The following RETREG1 variants were observed in gnomAD, a reference collection of about 807,000 sequenced individuals.
RETREG1 encodes the protein family with sequence similarity 134 member B.
RETREG1 carries 44 observed loss-of-function variants against 54.8 expected under a neutral mutation model. That is an observed-to-expected ratio of 0.80 (90% confidence interval 0.63 to 1.03). RETREG1 has a LOEUF of 1.03. Ranked by LOEUF, RETREG1 falls within the 50% of genes least tolerant of loss-of-function variation. The pLI is 0.00. For missense variants in RETREG1, 554 were observed against 605.1 expected (o/e 0.92, Z 0.89); for synonymous variants, 217 against 238.5 (o/e 0.91, Z 0.83).
intron 2 of RETREG1, among the ~76,000 whole-genome samples, chr5:16,570,188 C>T (rs1366149656): frequency 1.3e-5 from 2 of 152,228 alleles, no homozygotes; most frequent in Non-Finnish European, 2.9e-5. Flanking sequence ...AATGAACTAG[C>T]TCAAAAATGA....
intron 3 of RETREG1, among the ~76,000 whole-genome samples, chr5:16,512,344 A>T (rs1740204174): frequency 6.6e-6 from 1 of 152,152 alleles, no homozygotes; most frequent in South Asian, 2.1e-4. Context: ...ACTCCAGCAG[A>T]GCCTACACAT....
chr5:16,572,177 C>T lies in RETREG1; in HGVS notation c.321-75G>A, dbSNP rs181673284. 2.1e-5 allele frequency: 21 copies of T among 998,734 alleles called. No homozygotes were observed. In the East Asian group the frequency reaches 4.1e-4, roughly 20 times the overall value. 61.9% of individuals were successfully genotyped at this position (998,734 alleles called of 1,614,324 possible). A position where few individuals can be genotyped will look rare whatever the true frequency, so the allele number is the denominator to read the frequency against. On this transcript the variant is annotated intron_variant, in intron 1 of 8. Coordinates refer to ENST00000306320, the MANE Select transcript of RETREG1 (RefSeq NM_001034850.3). ...TTTTCAAAATTGGGTTTACTTCCTGCCACAGAAACAAAAAAGGTATTCAAT... is the reference window on the plus strand; with the variant it reads ...TTTTCAAAATTGGGTTTACTTCCTGTCACAGAAACAAAAAAGGTATTCAAT...
At chr5:16,492,402 TG>T (rs1352348701) in intron 3 of RETREG1, among the ~76,000 whole-genome samples, 1 of 151,514 alleles carries the variant, frequency 6.6e-6, no homozygotes, top group African/African-American at 2.4e-5. Flanking sequence ...TTATAAGAAA[TG>T]GAAGTTGAAG....
At position 16,597,064 on chromosome 5, in the gene RETREG1, C is replaced by T. The variant is rs1267954921; in HGVS notation, c.320+19588G>A. The stretch of plus-strand genomic sequence containing the variant: ...AGAAAAATGCATCTACACCAAAGGA[C>T]GTGGAAAGAATCCTGAAGAAGTAGG... On this transcript the variant is annotated intron_variant, in intron 1 of 8. Coordinates refer to ENST00000306320, the MANE Select transcript of RETREG1 (RefSeq NM_001034850.3). The surrounding 1 kb of genome is among the most constrained non-coding windows in gnomAD (Gnocchi z 4.3). Among the ~76,000 whole-genome samples the T allele has an allele frequency of 6.6e-6, 1 of 152,170 alleles. No individual in the cohort carries two copies. Among genetic ancestry groups the T allele is most frequent in the African/African-American group, 2.4e-5 (1 of 41,438 alleles).
chr5:16,586,689 C>T (rs1742634707), intron 1 of RETREG1, among the ~76,000 whole-genome samples: 1 of 152,170 alleles, frequency 6.6e-6, no homozygotes, highest in Admixed American at 6.5e-5. Flanking sequence ...TGTAACAGAT[C>T]CAAATATTAA....
intron 1 of RETREG1, among the ~76,000 whole-genome samples, chr5:16,583,572 T>G (rs913225732): frequency 1.1e-4 from 16 of 152,184 alleles, no homozygotes; most frequent in African/African-American, 3.6e-4. Context: ...CAAGGAAAAT[T>G]TTCCATTACT....
chr5:16,521,998 C>A (rs1295547900), intron 3 of RETREG1, among the ~76,000 whole-genome samples: 1 of 152,140 alleles, frequency 6.6e-6, no homozygotes, highest in Non-Finnish European at 1.5e-5. Flanking sequence ...GACGGCCTTG[C>A]GGTCTTGGCT....
chr5:16,477,256 GT>G (rs1284043515), intron 8 of RETREG1, among the ~76,000 whole-genome samples: 1 of 152,090 alleles, frequency 6.6e-6, no homozygotes, highest in African/African-American at 2.4e-5. Flanking sequence ...ACAATTCAGT[GT>G]TTTTTAGTAT....
intron 1 of RETREG1, among the ~76,000 whole-genome samples, chr5:16,598,175 C>G (rs1690369677): frequency 6.6e-6 from 1 of 152,168 alleles, no homozygotes; most frequent in East Asian, 1.9e-4. Flanking sequence ...AAATCCTTCC[C>G]CTGCACACCC....
At chr5:16,608,208 C>T (rs1171749974) in intron 1 of RETREG1, among the ~76,000 whole-genome samples, 1 of 152,158 alleles carries the variant, frequency 6.6e-6, no homozygotes, top group East Asian at 1.9e-4. Flanking sequence ...ATAGCCCCAC[C>T]TTATTCACCA....
At chr5:16,556,202 A>G (rs1043644167) in intron 3 of RETREG1, among the ~76,000 whole-genome samples, 1 of 149,890 alleles carries the variant, frequency 6.7e-6, no homozygotes, top group African/African-American at 2.5e-5. Flanking sequence ...TCTGTCGCCC[A>G]GGCTTGAGTG....
chr5:16,531,645 T>G (rs1345059663), intron 3 of RETREG1, among the ~76,000 whole-genome samples: 5 of 151,888 alleles, frequency 3.3e-5, no homozygotes, highest in Non-Finnish European at 7.4e-5. Flanking sequence ...GTGCCTCTGT[T>G]AAGTTAAAGG....
At chr5:16,520,350 A>G (rs1232375957) in intron 3 of RETREG1, among the ~76,000 whole-genome samples, 1 of 151,290 alleles carries the variant, frequency 6.6e-6, no homozygotes, top group African/African-American at 2.4e-5. Flanking sequence ...GTTTTTTGAG[A>G]CAGAGTCTTG....
rs181911061 is a variant in RETREG1, at chr5:16,541,464, G to A, written c.458+24299C>T. Reference sequence around the variant, plus strand: ...CAGCACTTTGAGAGGCAGAGGCGGCGGATCTCAAGGTCAGGAGTTCGAGAC... The same window carrying A: ...CAGCACTTTGAGAGGCAGAGGCGGCAGATCTCAAGGTCAGGAGTTCGAGAC... On this transcript the variant is annotated intron_variant, in intron 3 of 8. Transcript: ENST00000306320. Among the ~76,000 whole-genome samples, 767 of 152,222 alleles carry A rather than the reference G, an allele frequency of 5.0e-3. 4 individuals are homozygous for A. Among genetic ancestry groups the A allele is most frequent in the Non-Finnish European group, 8.7e-3 (594 of 68,014 alleles).
intron 3 of RETREG1, among the ~76,000 whole-genome samples, chr5:16,489,483 G>T (rs1162371917): frequency 6.6e-6 from 1 of 152,186 alleles, no homozygotes; most frequent in Admixed American, 6.5e-5. Context: ...TTGTAATTCT[G>T]TAAGACAGAA....
At chr5:16,508,558 T>C in intron 3 of RETREG1, 1 of 1,607,048 alleles carries the variant, frequency 6.2e-7, no homozygotes, top group Non-Finnish European at 8.5e-7. Context: ...AATAAGTACG[T>C]ACGTATATAT....
intron 3 of RETREG1, among the ~76,000 whole-genome samples, chr5:16,523,956 T>C (rs1384715907): frequency 6.6e-6 from 1 of 152,130 alleles, no homozygotes; most frequent in Non-Finnish European, 1.5e-5. Context: ...CCCAGGCGAT[T>C]TGAAGGAGCC....
chr5:16,506,748 T>C (rs1739973745), intron 3 of RETREG1, among the ~76,000 whole-genome samples: 1 of 152,162 alleles, frequency 6.6e-6, no homozygotes, highest in Non-Finnish European at 1.5e-5. Flanking sequence ...TGCCCCTTCT[T>C]TCTGCACAGA....
chr5:16,603,066 G>T (rs911549924), intron 1 of RETREG1, among the ~76,000 whole-genome samples: 1 of 152,206 alleles, frequency 6.6e-6, no homozygotes, highest in Admixed American at 6.5e-5. Flanking sequence ...TCAATATAGA[G>T]CCAAGAGCAT....
Sources: allele counts gnomAD v4.1 joint callset (sites outside exome capture counted in the v4.1 genomes callset), GRCh38; gene constraint gnomAD v4.1.1; non-coding constraint Gnocchi (gnomAD v3.1); transcripts MANE v1.5; gene names NCBI Gene and HGNC (gene_info 2026-07-23, HGNC 2026-07-21).